Variants in DDR2 observed in about 807,000 individuals in gnomAD.
DDR2 encodes discoidin domain-containing receptor 2.
Under a neutral mutation model 94.9 loss-of-function variants are expected in DDR2, and 27 were observed. The observed-to-expected ratio is 0.28, with a 90% CI of 0.21 to 0.39. The LOEUF (loss-of-function observed/expected upper bound fraction) is 0.39. DDR2 is among the 10% of genes least tolerant of loss of function. The probability of loss-of-function intolerance (pLI) is 1.00; values close to 1 mark genes in which losing one functional copy is unlikely to be tolerated. For synonymous variants in DDR2, 382 were observed against 377.2 expected (o/e 1.01, Z -0.15); for missense variants, 783 against 1,076.0 (o/e 0.73, Z 3.81).
At chr1:162,779,733 G>T (rs1404096062) in intron 17 of DDR2, among the ~76,000 whole-genome samples, 4 of 152,162 alleles carry the variant, frequency 2.6e-5, no homozygotes, top group African/African-American at 9.7e-5. Flanking sequence ...GTGGGCCAAA[G>T]AAAAATGTTG....
intron 3 of DDR2, chr1:162,741,605 T>C (rs1268215278): frequency 2.0e-6 from 2 of 985,246 alleles, no homozygotes; most frequent in Admixed American, 1.2e-4. Context: ...AGGGACACTA[T>C]GACATGGACT....
chr1:162,672,902 C>T (rs1158452322), intron 2 of DDR2, among the ~76,000 whole-genome samples: 1 of 152,058 alleles, frequency 6.6e-6, no homozygotes, highest in Non-Finnish European at 1.5e-5. Context: ...ACATGGAAAA[C>T]CTGTGAGATG....
In DDR2 at chr1:162,714,606, T is replaced by A. The variant is rs183996594; in HGVS notation, c.-27-4431T>A. Among the ~76,000 whole-genome samples, 43 of 152,338 alleles carry A rather than the reference T, an allele frequency of 2.8e-4. No homozygotes were observed. The East Asian group carries it at 7.7e-3, about 27-fold the overall frequency. ...CTTATCTATTTCTATACCAATTGCA[T>A]ACTCAGAGAGGCCTTTGCTGGCCAC... On this transcript the variant is annotated intron_variant, in intron 2 of 17. Transcript: ENST00000367921.
At chr1:162,768,397 C>T (rs1558075809) in intron 11 of DDR2, among the ~76,000 whole-genome samples, 1 of 152,178 alleles carries the variant, frequency 6.6e-6, no homozygotes, top group Non-Finnish European at 1.5e-5. Context: ...GTAGAGGCCA[C>T]AGGAACTCTG....
At chr1:162,658,597 G>A (rs946395264) in intron 2 of DDR2, among the ~76,000 whole-genome samples, 5 of 150,778 alleles carry the variant, frequency 3.3e-5, no homozygotes, top group Non-Finnish European at 7.4e-5. Flanking sequence ...GGGAGGCCGA[G>A]GAGGAAGGAT....
In DDR2 at chr1:162,772,146, G is replaced by A. The variant is rs55973200; in HGVS notation, c.1627G>A (p.Val543Ile). 5.0e-6 allele frequency: 8 copies of A among 1,614,072 alleles called. No individual in the cohort carries two copies. The highest frequency in any genetic ancestry group is 1.6e-4 in the Middle Eastern group (1 of 6,084). Residue 543 changes from valine (V) to isoleucine (I), a missense_variant, in exon 13 of 18, where the codon GTC becomes ATC. Transcript: ENST00000367921. Reference sequence around the variant, plus strand: ...AGGCAACACATACTCAGTGCCTGCCGTCACCATGGACCTGCTCTCAGGAAA... The same window carrying A: ...AGGCAACACATACTCAGTGCCTGCCATCACCATGGACCTGCTCTCAGGAAA... ...TGGNTYSVPA[V>I]TMDLLSGKDV...
intron 1 of DDR2, among the ~76,000 whole-genome samples, chr1:162,644,971 G>T (rs1191758525): frequency 6.6e-6 from 1 of 152,216 alleles, no homozygotes; most frequent in Admixed American, 6.5e-5. Context: ...CAAAGAAGAG[G>T]ATCTCTTGGT....
At chr1:162,713,055 A>G (rs531906695) in intron 2 of DDR2, among the ~76,000 whole-genome samples, 18 of 152,306 alleles carry the variant, frequency 1.2e-4, no homozygotes, top group African/African-American at 4.3e-4. Flanking sequence ...TTCTATTGTC[A>G]AAAGGAGATG....
chr1:162,736,797 C>A (rs1662319787), intron 3 of DDR2, among the ~76,000 whole-genome samples: 1 of 152,170 alleles, frequency 6.6e-6, no homozygotes. Context: ...TTTCTCAACT[C>A]TATGAAGATT....
At chr1:162,639,513 A>G (rs1324729742) in intron 1 of DDR2, among the ~76,000 whole-genome samples, 1 of 152,228 alleles carries the variant, frequency 6.6e-6, no homozygotes, top group Non-Finnish European at 1.5e-5. Flanking sequence ...ACCAAAATGT[A>G]AATGCAAAAC....
chr1:162,729,300 A>ATATATATATTTTTTTT (rs1416872679), intron 3 of DDR2, among the ~76,000 whole-genome samples: 2 of 94,016 alleles, frequency 2.1e-5, no homozygotes, highest in African/African-American at 1.1e-4. Flanking sequence ...ATATATATAT[A>ATATATATATTTTTTTT]TTTTTTTTTT....
intron 2 of DDR2, among the ~76,000 whole-genome samples, chr1:162,672,622 T>G (rs1386548672): frequency 6.6e-6 from 1 of 152,210 alleles, no homozygotes; most frequent in Non-Finnish European, 1.5e-5. Context: ...TATTGTTTCT[T>G]CATTAATTGA....
chr1:162,751,460 C>G (rs1663189301), intron 3 of DDR2, among the ~76,000 whole-genome samples: 1 of 152,190 alleles, frequency 6.6e-6, no homozygotes, highest in African/African-American at 2.4e-5. Flanking sequence ...CCATCTCACA[C>G]CAGTTAGAAT....
At chr1:162,660,320 T>C (rs1658226720) in intron 2 of DDR2, among the ~76,000 whole-genome samples, 1 of 152,180 alleles carries the variant, frequency 6.6e-6, no homozygotes, top group South Asian at 2.1e-4. Flanking sequence ...TTATTTTGTT[T>C]GGGGGTAGAG....
chr1:162,721,841 T>C (rs1661438796), intron 3 of DDR2, among the ~76,000 whole-genome samples: 1 of 152,240 alleles, frequency 6.6e-6, no homozygotes, highest in Non-Finnish European at 1.5e-5. Flanking sequence ...ACATTTTAGT[T>C]GGTTATTAGC....
intron 9 of DDR2, among the ~76,000 whole-genome samples, chr1:162,764,474 G>A (rs940008032): frequency 6.6e-6 from 1 of 151,034 alleles, no homozygotes; most frequent in African/African-American, 2.4e-5. Flanking sequence ...GCGTGGGTTT[G>A]TCATAGACAG....
At chr1:162,632,424 T>C (rs1656601072), upstream of DDR2, 1 of 152,154 alleles carries the variant, frequency 6.6e-6, no homozygotes, top group Admixed American at 6.5e-5. Context: ...CTGGGATCCC[T>C]GGCGCTTTCC....
At position 162,662,225 on chromosome 1, in the gene DDR2, T is replaced by C. The variant is rs541690236; in HGVS notation, c.-28+6851T>C. 3.7e-4 allele frequency among the ~76,000 whole-genome samples: 57 copies of C among 152,336 alleles called. No individual in the cohort carries two copies. The South Asian group carries it at 0.011, about 30-fold the overall frequency. ...TTCATTCATTCATTCATTCACTCAT[T>C]CATTCATTCACTCAGTGAATATCCA... On this transcript the variant is annotated intron_variant, in intron 2 of 17. Coordinates refer to ENST00000367921, the MANE Select transcript of DDR2 (RefSeq NM_006182.4).
intron 2 of DDR2, among the ~76,000 whole-genome samples, chr1:162,709,797 C>T (rs1399651515): frequency 1.3e-5 from 2 of 152,174 alleles, no homozygotes; most frequent in African/African-American, 4.8e-5. Context: ...GTAAAAGATC[C>T]AAATGAAAAG....
Sources: allele counts gnomAD v4.1 joint callset (sites outside exome capture counted in the v4.1 genomes callset), GRCh38; gene constraint gnomAD v4.1.1; transcripts MANE v1.5; gene names NCBI Gene and HGNC (gene_info 2026-07-23, HGNC 2026-07-21).